The following SYNE3 variants were observed in gnomAD, a reference collection of about 807,000 sequenced individuals.
SYNE3 encodes the protein spectrin repeat containing nuclear envelope family member 3, also known as nesprin-3.
SYNE3 carries 100 observed loss-of-function variants against 111.2 expected under a neutral mutation model. The ratio of observed to expected loss-of-function variants is 0.90; its 90% CI spans 0.77 to 1.06. The LOEUF is 1.06. SYNE3 is among the 50% of genes least tolerant of loss of function. SYNE3 has a pLI of 0.00. For synonymous variants in SYNE3, 547 were observed against 533.9 expected (o/e 1.02, Z -0.34); for missense variants, 1,160 against 1,240.3 (o/e 0.94, Z 0.97).
intron 4 of SYNE3, among the ~76,000 whole-genome samples, chr14:95,465,318 T>C (rs569532667): frequency 5.6e-5 from 8 of 143,218 alleles, no homozygotes; most frequent in African/African-American, 2.1e-4. Flanking sequence ...TGCGAAACAC[T>C]GGGTATCTGG....
intron 17 of SYNE3, among the ~76,000 whole-genome samples, chr14:95,425,760 C>G (rs1166697026): frequency 1.3e-5 from 2 of 152,182 alleles, no homozygotes; most frequent in Non-Finnish European, 2.9e-5. Flanking sequence ...GAAAGCTGCT[C>G]AAAAACGAAA....
Position 95,457,842 on chromosome 14 carries a change from A to G in SYNE3, c.628-504T>C, listed in dbSNP as rs1286986900. ...ACAGAGAGGTAAAGTGACTTGCCCA[A>G]GGTCACCCAGCTAGGAAAGTGCCAA... On this transcript the variant is annotated intron_variant, in intron 4 of 17. Coordinates refer to ENST00000682763, the MANE Select transcript of SYNE3 (RefSeq NM_152592.6). Among the ~76,000 whole-genome samples the G allele has an allele frequency of 5.3e-5, 8 of 152,272 alleles. No individual in the cohort carries two copies. In the East Asian group the frequency reaches 1.5e-3, roughly 29 times the overall value.
At chr14:95,475,067 T>G (rs961776904) in intron 2 of SYNE3, among the ~76,000 whole-genome samples, 4 of 152,230 alleles carry the variant, frequency 2.6e-5, no homozygotes, top group Admixed American at 1.3e-4. Flanking sequence ...TAGCTCAGTA[T>G]TCTTCCCTCT....
intron 1 of SYNE3, among the ~76,000 whole-genome samples, chr14:95,498,244 G>A (rs1230002777): frequency 1.3e-5 from 2 of 152,076 alleles, no homozygotes; most frequent in African/African-American, 4.8e-5. Context: ...AGGCTGGAGT[G>A]TAGTGGCATA....
rs1886314621 is a variant in SYNE3 at position 95,439,918 on chromosome 14, AACTCGGCCTCTTGGG to A, written c.2054_2068del (p.Ser685_Glu689del). 6.2e-7 allele frequency: 1 copy of A among 1,611,864 alleles called. No individual in the cohort carries two copies. The highest frequency in any genetic ancestry group is 8.5e-7 in the Non-Finnish European group (1 of 1,178,852). ...GTGAGGGAACCACCGCCTTACCTCA[AACTCGGCCTCTTGGG>A]ACTCGGCATCCCCCGGGCCCGCCTC... On this transcript the variant is annotated inframe_deletion, in exon 12 of 18. Coordinates refer to ENST00000682763, the MANE Select transcript of SYNE3 (RefSeq NM_152592.6).
Position 95,504,565 on chromosome 14 carries a change from C to A in SYNE3, c.-15+12031G>T, listed in dbSNP as rs554547745. On this transcript the variant is annotated intron_variant, in intron 1 of 17. Transcript: ENST00000682763. ...CTTTGCCACTAAGCTGAGTTCCCCC[C>A]ACACTGTCACAGTTGTTCTGCTGAA... Among the ~76,000 whole-genome samples, 67 of 152,384 alleles carry A rather than the reference C, an allele frequency of 4.4e-4. No homozygotes were observed. In the South Asian group the frequency reaches 0.013, roughly 29 times the overall value.
At chr14:95,451,652 G>C (rs1389763157) in intron 7 of SYNE3, 2 of 152,318 alleles carry the variant, frequency 1.3e-5, no homozygotes, top group Non-Finnish European at 2.9e-5. Flanking sequence ...GGAGCTCCCT[G>C]TACCAGGCAG....
At chr14:95,437,487 A>G (rs1456460189) in intron 14 of SYNE3, among the ~76,000 whole-genome samples, 4 of 152,094 alleles carry the variant, frequency 2.6e-5, no homozygotes, top group African/African-American at 7.2e-5. Context: ...CTCTTCACAC[A>G]TACTGTCTCC....
chr14:95,472,331 C>T (rs528924066), intron 2 of SYNE3, among the ~76,000 whole-genome samples: 14 of 152,308 alleles, frequency 9.2e-5, no homozygotes, highest in African/African-American at 3.4e-4. Flanking sequence ...AGCCTGAGAT[C>T]GTGCCACTGC....
Position 95,475,665 on chromosome 14 carries a change from C to A in SYNE3, c.144+13G>T, listed in dbSNP as rs79224249. 2.0e-6 allele frequency: 3 copies of A among 1,511,986 alleles called. No individual in the cohort carries two copies. The highest frequency in any genetic ancestry group is 1.9e-4 in the Middle Eastern group (1 of 5,166). 93.7% of individuals were successfully genotyped at this position (1,511,986 alleles called of 1,614,324 possible). A position where few individuals can be genotyped will look rare whatever the true frequency, so the allele number is the denominator to read the frequency against. On this transcript the variant is annotated intron_variant, in intron 2 of 17. Coordinates refer to ENST00000682763, the MANE Select transcript of SYNE3 (RefSeq NM_152592.6). ...AAGACCACAGGGCCATCTGAGGCCA[C>A]GCCTCTGCATACCTCGGTCTCCCAC...
At position 95,408,126 on chromosome 14, in the gene SYNE3, G is replaced by T. The variant is rs1048749101; in HGVS notation, c.*9700C>A. 1 of 152,054 alleles carries T rather than the reference G, an allele frequency of 6.6e-6. No homozygotes were observed. The highest frequency in any genetic ancestry group is 1.5e-5 in the Non-Finnish European group (1 of 68,018). The allele number at this position is 152,054 out of a possible 1,614,324, so 9.4% of individuals were successfully genotyped here. A position where few individuals can be genotyped will look rare whatever the true frequency, so the allele number is the denominator to read the frequency against. On this transcript the variant is annotated 3_prime_UTR_variant, in exon 18 of 18. Transcript: ENST00000682763. Reference sequence around the variant, plus strand: ...TGAGCAGGCCAAACTCACTCTACCCGACCTGCTGCCTCCAGGATGGGTTCT... The same window carrying T: ...TGAGCAGGCCAAACTCACTCTACCCTACCTGCTGCCTCCAGGATGGGTTCT...
intron 1 of SYNE3, among the ~76,000 whole-genome samples, chr14:95,490,517 C>G (rs1271191514): frequency 6.6e-6 from 1 of 152,212 alleles, no homozygotes; most frequent in African/African-American, 2.4e-5. Context: ...ATAACTTTCC[C>G]AAAAGCATGC....
intron 1 of SYNE3, among the ~76,000 whole-genome samples, chr14:95,483,578 A>G (rs1459171612): frequency 6.6e-6 from 1 of 152,148 alleles, no homozygotes. Context: ...AGACCTTGGC[A>G]ATCTTCTCCT....
intron 1 of SYNE3, among the ~76,000 whole-genome samples, chr14:95,504,125 A>G (rs1255238745): frequency 6.6e-6 from 1 of 152,234 alleles, no homozygotes; most frequent in Non-Finnish European, 1.5e-5. Context: ...GTTTCATGGC[A>G]TATGAAAATT....
intron 1 of SYNE3, among the ~76,000 whole-genome samples, chr14:95,501,037 C>T (rs1326637373): frequency 6.6e-6 from 1 of 152,226 alleles, no homozygotes; most frequent in Non-Finnish European, 1.5e-5. Context: ...AAGGCAAATG[C>T]CACTGTGCCC....
In SYNE3 at chr14:95,417,221, C is replaced by A; in HGVS notation, c.*605G>T. 1 of 160,836 alleles carries A rather than the reference C, an allele frequency of 6.2e-6. No individual in the cohort carries two copies. The allele number at this position is 160,836 out of a possible 1,614,324, so 10.0% of individuals were successfully genotyped here. ...TTGTCACTGCTATCATTGAACCTGC[C>A]TCTGGTCATTGCCATTTCTACTTCT... is the stretch of plus-strand genomic sequence containing the variant. On this transcript the variant is annotated 3_prime_UTR_variant, in exon 18 of 18. Coordinates refer to ENST00000682763, the MANE Select transcript of SYNE3 (RefSeq NM_152592.6).
At chr14:95,445,046 T>C (rs1886632072) in intron 9 of SYNE3, among the ~76,000 whole-genome samples, 1 of 152,244 alleles carries the variant, frequency 6.6e-6, no homozygotes, top group East Asian at 1.9e-4. Flanking sequence ...AGAAACAGTC[T>C]GCCAACCCTT....
In SYNE3 at chr14:95,410,976, T is replaced by G. The variant is rs1328012616; in HGVS notation, c.*6850A>C. The G allele has an allele frequency of 2.0e-5, 3 of 152,220 alleles. No individual in the cohort carries two copies. Among genetic ancestry groups the G allele is most frequent in the East Asian group, 1.9e-4 (1 of 5,188 alleles). The allele number at this position is 152,220 out of a possible 1,614,324, so 9.4% of individuals were successfully genotyped here. A position where few individuals can be genotyped will look rare whatever the true frequency, so the allele number is the denominator to read the frequency against. On this transcript the variant is annotated 3_prime_UTR_variant, in exon 18 of 18. Coordinates refer to ENST00000682763, the MANE Select transcript of SYNE3 (RefSeq NM_152592.6). ...TGTCTAGTGCTGAGCAGTATCAAGC[T>G]GTCATCCAGTGGGTGCAGAGACCGA...
intron 1 of SYNE3, among the ~76,000 whole-genome samples, chr14:95,502,057 G>A (rs1048154657): frequency 2.0e-5 from 3 of 152,026 alleles, no homozygotes; most frequent in Admixed American, 1.3e-4. Flanking sequence ...TGACTTGACC[G>A]CCCAGTGCCA....
Sources: gnomAD v4.1 joint callset for allele counts (sites outside exome capture counted in the v4.1 genomes callset) on GRCh38, gnomAD v4.1.1 for gene constraint, MANE v1.5 for transcripts, NCBI Gene and HGNC (gene_info 2026-07-23, HGNC 2026-07-21) for gene names.